Variants in ANKRD36 observed in about 807,000 individuals in gnomAD.
The protein encoded by ANKRD36 is ankyrin repeat domain 36.
ANKRD36 carries 179 observed loss-of-function variants against 278.1 expected under a neutral mutation model. That is an observed-to-expected ratio of 0.64 (90% CI 0.57 to 0.73). ANKRD36 has a LOEUF of 0.73. Among genes scored for constraint, ANKRD36 ranks in the 30% least tolerant of loss-of-function variants. The pLI is 0.00. For synonymous variants in ANKRD36, 320 were observed against 641.1 expected, an observed-to-expected ratio of 0.50 and a Z score of 7.57; for missense variants, 1,159 against 1,956.7, an observed-to-expected ratio of 0.59 and a Z score of 7.69.
At chr2:97,262,593 A>G (rs1184372961) in intron 75 of ANKRD36, among the ~76,000 whole-genome samples, 6 of 131,726 alleles carry the variant, frequency 4.6e-5, no homozygotes, top group African/African-American at 1.8e-4. Context: ...TTGTTTGCAA[A>G]TTTGTACCCT....
At chr2:97,206,695 T>G (rs1367884458) in intron 52 of ANKRD36, among the ~76,000 whole-genome samples, 4 of 151,440 alleles carry the variant, frequency 2.6e-5, no homozygotes, top group African/African-American at 9.7e-5. Flanking sequence ...TTGGAATATT[T>G]TAATAAAAAG....
chr2:97,175,745 T>G (rs2054046638), intron 22 of ANKRD36, among the ~76,000 whole-genome samples: 1 of 149,076 alleles, frequency 6.7e-6, no homozygotes, highest in South Asian at 2.1e-4. Flanking sequence ...CTTTCCTGCT[T>G]TCTCTTGTGG....
intron 1 of ANKRD36, 111 bp downstream of exon 1, chr2:97,114,047 C>T: frequency 2.8e-6 from 1 of 351,654 alleles, no homozygotes; most frequent in South Asian, 4.3e-5. Flanking sequence ...GGGGTTTGGA[C>T]GGGGGCTAGG....
In ANKRD36 at chr2:97,126,616, A is replaced by G. The variant is rs973647161; in HGVS notation, c.732-451A>G. Among the ~76,000 whole-genome samples, 29 of 151,986 alleles carry G rather than the reference A, an allele frequency of 1.9e-4. 1 individual carries two copies. The highest frequency in any genetic ancestry group is 7.0e-4 in the African/African-American group (29 of 41,438). ...TTGGGATTTCAAAATAGTTTCAGCAATAAATTTCAAGAACAAACTCCACTG... is the reference window on the plus strand; with the variant it reads ...TTGGGATTTCAAAATAGTTTCAGCAGTAAATTTCAAGAACAAACTCCACTG... On this transcript the variant is annotated intron_variant, in intron 5 of 75. Transcript: ENST00000420699.
At chr2:97,173,543 G>A (rs1054099061) in intron 22 of ANKRD36, among the ~76,000 whole-genome samples, 1 of 151,846 alleles carries the variant, frequency 6.6e-6, no homozygotes, top group African/African-American at 2.4e-5. Context: ...ATCCTCACAT[G>A]TGTCAGAATG....
At chr2:97,123,096 C>A in intron 4 of ANKRD36, 103 bp downstream of exon 4, 2 of 964,952 alleles carry the variant, frequency 2.1e-6, no homozygotes, top group African/African-American at 1.7e-5. Flanking sequence ...AGAAGACTAA[C>A]TTGTAATTAT....
chr2:97,155,726 C>A (rs972070532), intron 15 of ANKRD36, among the ~76,000 whole-genome samples: 4 of 146,014 alleles, frequency 2.7e-5, no homozygotes, highest in Non-Finnish European at 4.6e-5. Flanking sequence ...ATTTCAGAGG[C>A]TTTTGTGCTT....
intron 6 of ANKRD36, among the ~76,000 whole-genome samples, chr2:97,141,230 T>C (rs1249261341): frequency 4.7e-5 from 7 of 149,592 alleles, no homozygotes; most frequent in South Asian, 2.1e-4. Context: ...AATCATGACA[T>C]ATATATATAT....
At chr2:97,215,924 A>T in intron 62 of ANKRD36, 1 of 388,958 alleles carries the variant, frequency 2.6e-6, no homozygotes. Context: ...GAACAAGATC[A>T]CTGAAGTAGT....
Position 97,154,816 on chromosome 2 carries a change from A to G in ANKRD36, c.1260+75A>G, listed in dbSNP as rs1048689020. On this transcript the variant is annotated intron_variant, in intron 15 of 75. Transcript: ENST00000420699. ...TTGTATTATTTTCTTCTAGCAAATA[A>G]TAGGTAGCAATTGTCTACCTATCAT... 2.5e-6 allele frequency: 3 copies of G among 1,218,852 alleles called. No individual in the cohort carries two copies. In the African/African-American group the frequency reaches 4.4e-5, roughly 18 times the overall value. 75.5% of individuals were successfully genotyped at this position (1,218,852 alleles called of 1,614,324 possible).
At position 97,205,934 on chromosome 2, in the gene ANKRD36, T is replaced by G; in HGVS notation, c.3062-6T>G. The G allele has an allele frequency of 6.4e-7, 1 of 1,552,070 alleles. No homozygotes were observed. Among genetic ancestry groups the G allele is most frequent in the Non-Finnish European group, 8.7e-7 (1 of 1,153,186 alleles). The stretch of plus-strand genomic sequence containing the variant: ...TGACTGATTATGAATCACTTTTGCT[T>G]TTCAGTGTCTTCTCAGAAACCACCA... On this transcript the variant is annotated splice_region_variant and splice_polypyrimidine_tract_variant and intron_variant, in intron 50 of 75. Transcript: ENST00000420699.
intron 6 of ANKRD36, among the ~76,000 whole-genome samples, chr2:97,133,500 T>C (rs1309691851): frequency 6.6e-6 from 1 of 152,064 alleles, no homozygotes; most frequent in Non-Finnish European, 1.5e-5. Context: ...ATTTTAATTA[T>C]ATAGATGGTT....
chr2:97,131,334 A>G (rs2040097962), intron 6 of ANKRD36, among the ~76,000 whole-genome samples: 3 of 151,912 alleles, frequency 2.0e-5, no homozygotes, highest in African/African-American at 7.3e-5. Flanking sequence ...AGACTGCTAC[A>G]AGCATATGCC....
intron 3 of ANKRD36, among the ~76,000 whole-genome samples, chr2:97,122,502 T>C (rs1323272675): frequency 3.4e-5 from 5 of 146,386 alleles, no homozygotes; most frequent in Admixed American, 1.4e-4. Flanking sequence ...CTGAAACATT[T>C]ATTACTGTGT....
rs748543434 is a variant in ANKRD36, at chr2:97,215,615, A to G, written c.3673+118A>G. The G allele has an allele frequency of 3.2e-6, 5 of 1,555,082 alleles. No individual in the cohort carries two copies. In the Admixed American group the frequency reaches 7.8e-5, roughly 24 times the overall value. On this transcript the variant is annotated intron_variant, in intron 62 of 75. Transcript: ENST00000420699. ...TATGTTTGGATTCAGCATGCCTGAG[A>G]TTCTTCATTTGTAATAAGTCCTCAG...
At chr2:97,181,322 A>C (rs2056139527) in intron 24 of ANKRD36, among the ~76,000 whole-genome samples, 2 of 151,576 alleles carry the variant, frequency 1.3e-5, no homozygotes, top group South Asian at 2.1e-4. Flanking sequence ...ATCACTCGGC[A>C]TATCCACATT....
chr2:97,207,070 G>C lies in ANKRD36; in HGVS notation c.3164-741G>C, dbSNP rs115597547. Among the ~76,000 whole-genome samples the C allele has an allele frequency of 2.6e-5, 4 of 151,516 alleles. No individual in the cohort carries two copies. The Admixed American group carries it at 2.6e-4, about 10-fold the overall frequency. On this transcript the variant is annotated intron_variant, in intron 52 of 75. Coordinates refer to ENST00000420699, the MANE Select transcript of ANKRD36 (RefSeq NM_001354587.1). ...AAAAACTGATCAATATCTAATGCTT[G>C]TAGCAGTCTTACTTTGTATGTGTAT...
chr2:97,190,788 C>A, intron 34 of ANKRD36, among the ~76,000 whole-genome samples, 190 bp from the exon 35 acceptor site: 1 of 151,640 alleles, frequency 6.6e-6, no homozygotes, highest in Non-Finnish European at 1.5e-5. Context: ...GGATATATTT[C>A]ATGGAGCCTG....
At chr2:97,181,823 G>A in intron 26 of ANKRD36, 30 bp downstream of exon 26, 1 of 1,580,758 alleles carries the variant, frequency 6.3e-7, no homozygotes, top group Non-Finnish European at 8.6e-7. Flanking sequence ...TTAATGTCAT[G>A]TTCAGTCAAG....
Sources: allele counts gnomAD v4.1 joint callset (sites outside exome capture counted in the v4.1 genomes callset), GRCh38; gene constraint gnomAD v4.1.1; transcripts MANE v1.5; gene names NCBI Gene and HGNC (gene_info 2026-07-23, HGNC 2026-07-21).